PCTP: variants seen among roughly 807,000 people sequenced by gnomAD.
PCTP encodes START domain-containing protein 2.
In PCTP, 27 loss-of-function variants were observed where a neutral mutation model predicts 31.0. The ratio of observed to expected loss-of-function variants is 0.87; its 90% CI spans 0.64 to 1.20. The LOEUF is 1.20. Ranked by LOEUF, PCTP falls within the 50% of genes most tolerant of loss-of-function variation. PCTP has a pLI of 0.00. For missense variants in PCTP, 287 were observed against 268.2 expected (o/e 1.07, Z -0.49); for synonymous variants, 108 against 101.2 (o/e 1.07, Z -0.40).
chr17:55,774,368 C>T (rs925634263), intron 4 of PCTP, among the ~76,000 whole-genome samples: 8 of 152,266 alleles, frequency 5.3e-5, no homozygotes, highest in African/African-American at 1.9e-4. Flanking sequence ...GCGAGGCCAC[C>T]TGCTCTACCA....
At chr17:55,814,450 G>A (rs1303456643) in intron 3 of PCTP, among the ~76,000 whole-genome samples, 1 of 152,246 alleles carries the variant, frequency 6.6e-6, no homozygotes, top group Admixed American at 6.5e-5. Context: ...ACACTGAGCA[G>A]CTGCTCCTGG....
intron 3 of PCTP, among the ~76,000 whole-genome samples, chr17:55,773,001 T>A (rs1201459792): frequency 3.9e-5 from 6 of 152,224 alleles, no homozygotes; most frequent in Non-Finnish European, 8.8e-5. Context: ...AAGTAGTGAT[T>A]CCTGTTGTTT....
intron 3 of PCTP, among the ~76,000 whole-genome samples, chr17:55,803,679 CCCTT>C (rs1912466689): frequency 6.6e-6 from 1 of 152,038 alleles, no homozygotes; most frequent in Admixed American, 6.5e-5. Flanking sequence ...GAAAGTAGAC[CCCTT>C]CCTTATACCG....
chr17:55,759,706 C>T lies in PCTP; in HGVS notation c.142-7629C>T, dbSNP rs543128557. On this transcript the variant is annotated intron_variant, in intron 1 of 5. Transcript: ENST00000268896. ...TTTGAGAATATGTGATTTATCAAGA[C>T]CACCTTGTAGTTAGTGGTGTAAATT... Among the ~76,000 whole-genome samples, 3 of 152,250 alleles carry T rather than the reference C, an allele frequency of 2.0e-5. No homozygotes were observed. In the South Asian group the frequency reaches 6.2e-4, roughly 32 times the overall value.
intron 3 of PCTP, among the ~76,000 whole-genome samples, chr17:55,792,075 A>C (rs1196228533): frequency 6.9e-6 from 1 of 145,110 alleles, no homozygotes; most frequent in Non-Finnish European, 1.5e-5. Context: ...CAAACACCGC[A>C]TATTCTCACT....
chr17:55,755,560 G>A (rs1393457334), intron 1 of PCTP, among the ~76,000 whole-genome samples: 1 of 152,034 alleles, frequency 6.6e-6, no homozygotes, highest in Non-Finnish European at 1.5e-5. Context: ...TCCTGTTCTT[G>A]GACAAGTGGG....
intron 3 of PCTP, among the ~76,000 whole-genome samples, chr17:55,820,512 G>A (rs780653349): frequency 2.6e-5 from 4 of 152,110 alleles, no homozygotes; most frequent in Non-Finnish European, 5.9e-5. Flanking sequence ...CCTCTTTCAT[G>A]AGGTCATTAA....
chr17:55,758,477 CCTATTT>C (rs1262822354), intron 1 of PCTP, among the ~76,000 whole-genome samples: 3 of 152,208 alleles, frequency 2.0e-5, no homozygotes, highest in Admixed American at 2.0e-4. Context: ...AATCCCTACT[CCTATTT>C]CCCCAGATGG....
chr17:55,804,869 A>T (rs2145033853), intron 3 of PCTP, among the ~76,000 whole-genome samples: 1 of 152,308 alleles, frequency 6.6e-6, no homozygotes, highest in Non-Finnish European at 1.5e-5. Context: ...AATAAAAAAA[A>T]TTGAAAAGAT....
downstream of PCTP, among the ~76,000 whole-genome samples, chr17:55,845,250 T>C (rs573476755): frequency 1.3e-5 from 2 of 152,176 alleles, no homozygotes; most frequent in East Asian, 1.9e-4. Flanking sequence ...CCAATAGGTG[T>C]TTATTTTGAC....
intron 2 of PCTP, chr17:55,769,548 G>A (rs1282200675): frequency 6.6e-6 from 1 of 152,188 alleles, no homozygotes; most frequent in East Asian, 1.9e-4. Context: ...GAAAACAACT[G>A]CTGAGTCTCT....
At chr17:55,803,290 G>A (rs184455546) in intron 3 of PCTP, among the ~76,000 whole-genome samples, 1 of 151,960 alleles carries the variant, frequency 6.6e-6, no homozygotes, top group East Asian at 1.9e-4. Flanking sequence ...CTGCCCAAAG[G>A]AATTTATAGA....
intron 5 of PCTP, among the ~76,000 whole-genome samples, chr17:55,838,301 C>T (rs184488239): frequency 3.9e-5 from 6 of 152,348 alleles, no homozygotes; most frequent in South Asian, 2.1e-4. Context: ...CCGCATTCAT[C>T]TCTGCTCCAG....
In PCTP at chr17:55,777,246, A is replaced by G; in HGVS notation, c.*1146A>G. 1.0e-6 allele frequency: 1 copy of G among 985,658 alleles called. No individual in the cohort carries two copies. Among genetic ancestry groups the G allele is most frequent in the Non-Finnish European group, 1.2e-6 (1 of 829,740 alleles). 61.1% of individuals were successfully genotyped at this position (985,658 alleles called of 1,614,324 possible). A position where few individuals can be genotyped will look rare whatever the true frequency, so the allele number is the denominator to read the frequency against. On this transcript the variant is annotated 3_prime_UTR_variant, in exon 6 of 6. Coordinates refer to ENST00000268896, the MANE Select transcript of PCTP (RefSeq NM_021213.4). ...CTGTGTATAATGATACTGAACCTTG[A>G]TTAATAACAGAAATTCAGGATGTAA...
chr17:55,752,332 C>T (rs1488779837), intron 1 of PCTP, among the ~76,000 whole-genome samples: 1 of 152,218 alleles, frequency 6.6e-6, no homozygotes, highest in Admixed American at 6.5e-5. Context: ...GGAATGAAAA[C>T]TCTGCCTGTC....
rs1162200425 is a variant in PCTP, at chr17:55,771,302, T to C, written c.339+117T>C. On this transcript the variant is annotated intron_variant, in intron 3 of 5. Transcript: ENST00000268896. ...CTCAGCAGGCACAGATAACATTGTC[T>C]CTGATTCTTGCAGCAGCATTTGCTA... 3 of 783,932 alleles carry C rather than the reference T, an allele frequency of 3.8e-6. No individual in the cohort carries two copies. In the East Asian group the frequency reaches 7.5e-5, roughly 20 times the overall value. 48.6% of individuals were successfully genotyped at this position (783,932 alleles called of 1,614,324 possible).
At chr17:55,794,065 G>T (rs957028783) in intron 3 of PCTP, among the ~76,000 whole-genome samples, 1 of 152,070 alleles carries the variant, frequency 6.6e-6, no homozygotes, top group Non-Finnish European at 1.5e-5. Context: ...GCTTAGATCT[G>T]AAAGACAGTA....
rs1024802554 is a variant in PCTP at position 55,751,181 on chromosome 17, C to G, written c.78C>G (p.Ala26=). The G allele has an allele frequency of 9.7e-6, 15 of 1,548,892 alleles. No homozygotes were observed. Among genetic ancestry groups the G allele is most frequent in the Non-Finnish European group, 1.1e-5 (13 of 1,146,302 alleles). Residue 26 remains alanine (A), a synonymous_variant, in exon 1 of 6, where the codon GCC becomes GCG. Coordinates refer to ENST00000268896, the MANE Select transcript of PCTP (RefSeq NM_021213.4). The stretch of plus-strand genomic sequence containing the variant: ...CCGAGCTCCAGCAGCCCGCTCTGGC[C>G]GGGGCCGACTGGCAGCTCCTAGTGG... ...ACAELQQPAL[A]GADWQLLVET... is the part of the protein sequence containing the mutation.
intron 3 of PCTP, among the ~76,000 whole-genome samples, chr17:55,800,920 T>C (rs1912354393): frequency 6.6e-6 from 1 of 152,004 alleles, no homozygotes; most frequent in Non-Finnish European, 1.5e-5. Context: ...GGAGATCCAC[T>C]CCAGACCCTG....
Sources: allele counts gnomAD v4.1 joint callset (sites outside exome capture counted in the v4.1 genomes callset), GRCh38; gene constraint gnomAD v4.1.1; transcripts MANE v1.5; gene names NCBI Gene and HGNC (gene_info 2026-07-23, HGNC 2026-07-21).